CEP83: variants seen among roughly 807,000 people sequenced by gnomAD.
CEP83 encodes centrosomal protein of 83 kDa.
CEP83 carries 70 observed loss-of-function variants against 101.9 expected under a neutral mutation model. That is an observed-to-expected ratio of 0.69 (90% confidence interval 0.57 to 0.84). CEP83 has a LOEUF of 0.84. CEP83 is among the 40% of genes least tolerant of loss of function. The pLI is 0.00. For missense variants in CEP83, 715 were observed against 787.2 expected (o/e 0.91, Z 1.10); for synonymous variants, 264 against 267.9 (o/e 0.99, Z 0.14).
chr12:94,389,108 C>T (rs563050635), intron 6 of CEP83, among the ~76,000 whole-genome samples: 5 of 152,014 alleles, frequency 3.3e-5, no homozygotes, highest in Non-Finnish European at 7.4e-5. Context: ...GCCTGGGGAA[C>T]AGAGTAAGAC....
At chr12:94,438,531 C>T (rs949649616) in intron 1 of CEP83, among the ~76,000 whole-genome samples, 2 of 152,068 alleles carry the variant, frequency 1.3e-5, no homozygotes, top group African/African-American at 2.4e-5. Flanking sequence ...AACACTGGAG[C>T]TCCGAAATTT....
chr12:94,417,702 C>T (rs1037837823), intron 2 of CEP83, among the ~76,000 whole-genome samples: 8 of 151,828 alleles, frequency 5.3e-5, no homozygotes, highest in Admixed American at 3.3e-4. Flanking sequence ...GGCAGGAGAA[C>T]GCTTGAACCC....
At chr12:94,325,117 G>C (rs1437354241) in intron 14 of CEP83, among the ~76,000 whole-genome samples, 1 of 151,438 alleles carries the variant, frequency 6.6e-6, no homozygotes, top group Non-Finnish European at 1.5e-5. Flanking sequence ...CCTTACCAGA[G>C]AAGCCTTGCC....
At chr12:94,331,301 A>AAAAAAAAAAAAG (rs1217195211) in intron 14 of CEP83, among the ~76,000 whole-genome samples, 5 of 134,240 alleles carry the variant, frequency 3.7e-5, no homozygotes, top group African/African-American at 1.3e-4. Flanking sequence ...AAAAAAAAAA[A>AAAAAAAAAAAAG]AAAAAAAAAA....
chr12:94,439,826 CAA>C (rs1566213147), intron 1 of CEP83, among the ~76,000 whole-genome samples: 1 of 152,050 alleles, frequency 6.6e-6, no homozygotes, highest in Non-Finnish European at 1.5e-5. Context: ...AACAGCATGT[CAA>C]AAAGAAAATA....
downstream of CEP83, among the ~76,000 whole-genome samples, chr12:94,303,184 A>T (rs1968644028): frequency 6.6e-6 from 1 of 152,222 alleles, no homozygotes; most frequent in Non-Finnish European, 1.5e-5. Context: ...CTGCAAAATC[A>T]CACATCAGAG....
At chr12:94,301,301 T>C in the CEP83 span, among the ~76,000 whole-genome samples, 7 of 152,374 alleles carry the variant, frequency 4.6e-5, no homozygotes, top group South Asian at 1.4e-3. Context: ...TGAAAAACTT[T>C]ATCACAAAGT....
chr12:94,348,571 C>T (rs542393168), intron 11 of CEP83, among the ~76,000 whole-genome samples: 1 of 152,180 alleles, frequency 6.6e-6, no homozygotes, highest in East Asian at 1.9e-4. Context: ...ATGACCACCT[C>T]AGTGGCTGGA....
intron 2 of CEP83, among the ~76,000 whole-genome samples, chr12:94,427,465 T>C (rs866508533): frequency 1.3e-5 from 2 of 152,236 alleles, no homozygotes; most frequent in African/African-American, 4.8e-5. Context: ...CATAATCACA[T>C]CCACGTGTCC....
At chr12:94,299,512 G>A in the CEP83 span, among the ~76,000 whole-genome samples, 1 of 152,040 alleles carries the variant, frequency 6.6e-6, no homozygotes, top group South Asian at 2.1e-4. Flanking sequence ...TTTAATCCAG[G>A]CCTATCCCAA....
intron 1 of CEP83, among the ~76,000 whole-genome samples, chr12:94,446,946 G>A (rs985907445): frequency 2.0e-5 from 3 of 152,032 alleles, no homozygotes; most frequent in African/African-American, 7.2e-5. Flanking sequence ...AAAAAGGAGC[G>A]AGAGAAAAAT....
chr12:94,324,412 AGT>A (rs776260772), intron 14 of CEP83, among the ~76,000 whole-genome samples: 4 of 152,222 alleles, frequency 2.6e-5, no homozygotes, highest in Non-Finnish European at 5.9e-5. Context: ...TTAGCATAAT[AGT>A]TTTTATACTA....
intron 11 of CEP83, among the ~76,000 whole-genome samples, chr12:94,356,098 G>A (rs374042717): frequency 1.4e-4 from 21 of 152,264 alleles, no homozygotes; most frequent in South Asian, 4.1e-4. Flanking sequence ...ATGGGGGCTC[G>A]AATCCAGGTC....
intron 1 of CEP83, among the ~76,000 whole-genome samples, chr12:94,443,536 A>G (rs2066575850): frequency 6.6e-6 from 1 of 152,088 alleles, no homozygotes; most frequent in Non-Finnish European, 1.5e-5. Context: ...CCTGTCACCC[A>G]GGCTAGAGTA....
At chr12:94,378,629 AATAGC>A (rs2061673593) in intron 7 of CEP83, among the ~76,000 whole-genome samples, 157 bp downstream of exon 7, 2 of 152,208 alleles carry the variant, frequency 1.3e-5, no homozygotes, top group Non-Finnish European at 2.9e-5. Context: ...CTTATGAATC[AATAGC>A]TTTCTTCTTT....
At chr12:94,278,815 G>A in the CEP83 span, among the ~76,000 whole-genome samples, 197 of 152,216 alleles carry the variant, frequency 1.3e-3, no homozygotes, top group Middle Eastern at 6.8e-3. Context: ...GGCCAACATG[G>A]TGAAACCCCG....
chr12:94,343,074 T>C (rs562316614), intron 11 of CEP83, among the ~76,000 whole-genome samples: 301 of 151,962 alleles, frequency 2.0e-3, no homozygotes, highest in African/African-American at 6.5e-3. Context: ...CAGACACATA[T>C]GTGTGTATGT....
chr12:94,285,959 C>T, the CEP83 span, among the ~76,000 whole-genome samples: 1 of 152,136 alleles, frequency 6.6e-6, no homozygotes, highest in Non-Finnish European at 1.5e-5. Context: ...ATGGGGCTAC[C>T]CACTGCCATT....
intron 6 of CEP83, among the ~76,000 whole-genome samples, chr12:94,395,836 G>A (rs1335964492): frequency 6.6e-6 from 1 of 152,076 alleles, no homozygotes; most frequent in East Asian, 1.9e-4. Context: ...AAAAAAAGAA[G>A]AAATAAACCC....
Sources: allele counts gnomAD v4.1 joint callset (sites outside exome capture counted in the v4.1 genomes callset), GRCh38; gene constraint gnomAD v4.1.1; transcripts MANE v1.5; gene names NCBI Gene and HGNC (gene_info 2026-07-23, HGNC 2026-07-21).